Variants in ADGRV1 observed in about 807,000 individuals in gnomAD.
ADGRV1 encodes adhesion G protein-coupled receptor V1, also known as G-protein coupled receptor 98.
ADGRV1 carries 359 observed loss-of-function variants against 596.2 expected under a neutral mutation model. The ratio of observed to expected loss-of-function variants is 0.60; its 90% CI spans 0.55 to 0.66. ADGRV1 has a LOEUF of 0.66. Among genes scored for constraint, ADGRV1 ranks in the 30% least tolerant of loss-of-function variants. ADGRV1 has a pLI of 0.00. For synonymous variants in ADGRV1, 2,681 were observed against 2,679.2 expected, an observed-to-expected ratio of 1.00 and a Z score of -0.02; for missense variants, 7,274 against 7,575.6, an observed-to-expected ratio of 0.96 and a Z score of 1.48.
Position 91,025,651 on chromosome 5 carries a change from T to C in ADGRV1, c.18152+40129T>C, listed in dbSNP as rs971213423. On this transcript the variant is annotated intron_variant, in intron 85 of 89. Transcript: ENST00000405460. ...AGTACCCGTCTCCCCACCCTTCTGC[T>C]GCACATTCAGAATGGCAGCCTGGGA... Among the ~76,000 whole-genome samples, 3 of 152,274 alleles carry C rather than the reference T, an allele frequency of 2.0e-5. No homozygotes were observed. The East Asian group carries it at 5.8e-4, about 29-fold the overall frequency.
At chr5:91,040,391 A>T (rs1785241303) in intron 85 of ADGRV1, among the ~76,000 whole-genome samples, 1 of 152,178 alleles carries the variant, frequency 6.6e-6, no homozygotes, top group Non-Finnish European at 1.5e-5. Flanking sequence ...GACCAGTTAG[A>T]CGACTATATG....
At chr5:90,774,135 C>A in intron 59 of ADGRV1, 51 bp from the exon 60 acceptor site, 1 of 976,348 alleles carries the variant, frequency 1.0e-6, no homozygotes, top group Non-Finnish European at 1.6e-6. Flanking sequence ...AACATTCAAA[C>A]TTTGGCTTTG....
intron 85 of ADGRV1, among the ~76,000 whole-genome samples, chr5:91,059,431 T>G (rs1787199659): frequency 6.6e-6 from 1 of 152,176 alleles, no homozygotes; most frequent in Admixed American, 6.5e-5. Context: ...TTCTCCTCAC[T>G]CTGTCCTTCC....
intron 85 of ADGRV1, among the ~76,000 whole-genome samples, chr5:91,002,586 AT>A (rs1215034972): frequency 2.0e-5 from 3 of 151,628 alleles, no homozygotes; most frequent in Non-Finnish European, 2.9e-5. Flanking sequence ...CTTCCAAGCC[AT>A]TTTCTAAATT....
At chr5:91,032,221 G>T (rs1037642555) in intron 85 of ADGRV1, among the ~76,000 whole-genome samples, 2 of 152,220 alleles carry the variant, frequency 1.3e-5, no homozygotes, top group Middle Eastern at 3.2e-3. Context: ...AAAGAGGCCA[G>T]TGTGGCTCCA....
intron 87 of ADGRV1, among the ~76,000 whole-genome samples, chr5:91,136,066 T>C (rs1402722548): frequency 6.6e-6 from 1 of 152,134 alleles, no homozygotes; most frequent in Non-Finnish European, 1.5e-5. Context: ...GTGGGGAATC[T>C]GAGGCAGCGG....
At chr5:90,646,987 T>C (rs1292502678) in intron 16 of ADGRV1, among the ~76,000 whole-genome samples, 1 of 152,120 alleles carries the variant, frequency 6.6e-6, no homozygotes, top group African/African-American at 2.4e-5. Context: ...TTGGCCAGGA[T>C]GGTCTTGATC....
chr5:90,753,862 T>A lies in ADGRV1; in HGVS notation c.11377+33T>A, dbSNP rs1212520344. 2.0e-6 allele frequency: 3 copies of A among 1,523,926 alleles called. No homozygotes were observed. The South Asian group carries it at 3.8e-5, about 19-fold the overall frequency. The allele number at this position is 1,523,926 out of a possible 1,614,324, so 94.4% of individuals were successfully genotyped here. A position where few individuals can be genotyped will look rare whatever the true frequency, so the allele number is the denominator to read the frequency against. On this transcript the variant is annotated intron_variant, in intron 54 of 89. Transcript: ENST00000405460. ...TTGTTAAATATCTTTCAAGTTTTAA[T>A]GAGAAGCTTCATTGGATAATTTAAT... is the stretch of plus-strand genomic sequence containing the variant.
At chr5:91,145,356 C>T (rs56119195) in intron 87 of ADGRV1, among the ~76,000 whole-genome samples, 1,607 of 152,308 alleles carry the variant, frequency 0.011, 38 homozygotes, top group African/African-American at 0.038. Context: ...TTTTGTTTCC[C>T]GATCTAGCTT....
chr5:90,918,445 C>G (rs959555981), intron 83 of ADGRV1, among the ~76,000 whole-genome samples: 1 of 152,164 alleles, frequency 6.6e-6, no homozygotes, highest in East Asian at 1.9e-4. Flanking sequence ...TCTCTTGCAT[C>G]TTCTACATCC....
chr5:90,853,618 C>A, intron 80 of ADGRV1, 85 bp downstream of exon 80: 1 of 1,337,056 alleles, frequency 7.5e-7, no homozygotes, highest in South Asian at 1.4e-5. Context: ...TGTTTGATCA[C>A]AGTTTTGGTA....
intron 38 of ADGRV1, among the ~76,000 whole-genome samples, chr5:90,707,253 T>A (rs995171268): frequency 1.3e-5 from 2 of 152,162 alleles, no homozygotes; most frequent in African/African-American, 4.8e-5. Context: ...GGGGACTTAG[T>A]GTATCAGTTA....
chr5:90,762,424 A>G (rs1006541025), intron 58 of ADGRV1, among the ~76,000 whole-genome samples: 5 of 152,210 alleles, frequency 3.3e-5, no homozygotes, highest in South Asian at 2.1e-4. Flanking sequence ...GTTGACATCA[A>G]TGCAAATCTC....
chr5:90,869,567 G>T (rs1768466071), intron 83 of ADGRV1, among the ~76,000 whole-genome samples: 1 of 152,170 alleles, frequency 6.6e-6, no homozygotes, highest in Non-Finnish European at 1.5e-5. Context: ...ATCCGATTAG[G>T]ATGGGTTCTG....
intron 83 of ADGRV1, among the ~76,000 whole-genome samples, chr5:90,913,922 G>A (rs1346642017): frequency 1.3e-5 from 2 of 152,106 alleles, no homozygotes; most frequent in African/African-American, 4.8e-5. Context: ...TGAATATTGT[G>A]CTATAATGTT....
rs201890097 is a variant in ADGRV1 at position 90,823,540 on chromosome 5, A to G, written c.16312A>G (p.Thr5438Ala). The change falls in exon 76 of 90, where the codon ACC becomes GCC. Residue 5438 changes from threonine to alanine, a missense_variant. By Grantham distance (58) the Thr-to-Ala change is moderately conservative (BLOSUM62 0). Transcript: ENST00000405460. ...EELQSVSGTT[T>A]CTMGQTKCFI... ...ACTTCAGTCTGTGTCAGGGACCACA[A>G]CCTGTACAATGGGTCAAACAAAATG... The G allele has an allele frequency of 1.0e-3, 1,682 of 1,613,980 alleles. No individual in the cohort carries two copies. Among genetic ancestry groups the G allele is most frequent in the Non-Finnish European group, 1.3e-3 (1,576 of 1,179,868 alleles).
intron 86 of ADGRV1, among the ~76,000 whole-genome samples, chr5:91,093,568 A>G (rs1790563962): frequency 1.3e-5 from 2 of 152,238 alleles, no homozygotes; most frequent in Admixed American, 6.5e-5. Context: ...AGTAAGATAG[A>G]CTGAGTTAGT....
intron 83 of ADGRV1, among the ~76,000 whole-genome samples, chr5:90,912,337 C>T (rs991265973): frequency 1.3e-5 from 2 of 152,120 alleles, no homozygotes; most frequent in Admixed American, 1.3e-4. Context: ...CAGTACCAAA[C>T]ATTTCTCCTG....
intron 11 of ADGRV1, among the ~76,000 whole-genome samples, chr5:90,639,967 T>C (rs1238592854): frequency 6.6e-6 from 1 of 152,214 alleles, no homozygotes; most frequent in Non-Finnish European, 1.5e-5. Flanking sequence ...AAATTCTCTA[T>C]ATTTCAACTC....
Sources: gnomAD v4.1 joint callset for allele counts (sites outside exome capture counted in the v4.1 genomes callset) on GRCh38, gnomAD v4.1.1 for gene constraint, MANE v1.5 for transcripts, NCBI Gene and HGNC (gene_info 2026-07-23, HGNC 2026-07-21) for gene names.